Variants in CTNND2 observed in about 807,000 individuals in gnomAD.
CTNND2 encodes the protein catenin delta-2.
In CTNND2, 22 loss-of-function variants were observed where a neutral mutation model predicts 144.4. That is an observed-to-expected ratio of 0.15 (90% CI 0.11 to 0.22). The LOEUF is 0.22. CTNND2 is among the 10% of genes least tolerant of loss of function. The probability of loss-of-function intolerance (pLI) is 1.00; values close to 1 mark genes in which losing one functional copy is unlikely to be tolerated. For synonymous variants in CTNND2, 751 were observed against 695.6 expected (o/e 1.08, Z -1.25); for missense variants, 1,353 against 1,618.8 (o/e 0.84, Z 2.82).
At position 11,732,289 on chromosome 5, in the gene CTNND2, C is replaced by T; in HGVS notation, c.38-17G>A. The T allele has an allele frequency of 6.2e-7, 1 of 1,611,304 alleles. No homozygotes were observed. Among genetic ancestry groups the T allele is most frequent in the Non-Finnish European group, 8.5e-7 (1 of 1,178,184 alleles). On this transcript the variant is annotated splice_polypyrimidine_tract_variant and intron_variant, in intron 1 of 21. Transcript: ENST00000304623. ...GCATAGCTCCTGCAAGGCAAGAGGA[C>T]ATGATCAATACAATCAGATGTTGAC...
intron 1 of CTNND2, among the ~76,000 whole-genome samples, chr5:11,755,029 A>C (rs1469407566): frequency 6.6e-6 from 1 of 151,688 alleles, no homozygotes; most frequent in Non-Finnish European, 1.5e-5. Flanking sequence ...GTTGCTGTAT[A>C]GTGTCACTGA....
intron 14 of CTNND2, among the ~76,000 whole-genome samples, chr5:11,109,662 A>G (rs1048740610): frequency 6.6e-6 from 1 of 152,150 alleles, no homozygotes; most frequent in Non-Finnish European, 1.5e-5. Context: ...TGAGGTATAA[A>G]TTTCTCTGAA....
At chr5:11,019,123 C>G (rs945106816) in intron 17 of CTNND2, among the ~76,000 whole-genome samples, 3 of 152,142 alleles carry the variant, frequency 2.0e-5, no homozygotes, top group Non-Finnish European at 4.4e-5. Context: ...ACAACATAAA[C>G]AAAAATATTT....
intron 2 of CTNND2, among the ~76,000 whole-genome samples, chr5:11,641,687 C>T (rs554857601): frequency 9.6e-5 from 11 of 115,180 alleles, no homozygotes; most frequent in East Asian, 2.9e-4. Flanking sequence ...TATACATATA[C>T]GTGTGTGTAT....
intron 2 of CTNND2, among the ~76,000 whole-genome samples, chr5:11,577,093 A>T (rs1244006948): frequency 6.6e-6 from 1 of 152,226 alleles, no homozygotes; most frequent in Non-Finnish European, 1.5e-5. Flanking sequence ...GCAGCTAATC[A>T]AAAGTTCCAA....
intron 3 of CTNND2, among the ~76,000 whole-genome samples, chr5:11,520,546 A>G (rs1054003366): frequency 4.6e-5 from 7 of 152,364 alleles, no homozygotes; most frequent in Admixed American, 4.6e-4. Flanking sequence ...AGTGTTTCTG[A>G]GAAGCTCACT....
At chr5:11,229,476 G>A (rs1740737988) in intron 10 of CTNND2, among the ~76,000 whole-genome samples, 1 of 152,038 alleles carries the variant, frequency 6.6e-6, no homozygotes, top group African/African-American at 2.4e-5. Flanking sequence ...CGCTATGATT[G>A]CACACCACTG....
intron 2 of CTNND2, among the ~76,000 whole-genome samples, chr5:11,690,618 C>A (rs1784858627): frequency 6.6e-6 from 1 of 151,608 alleles, no homozygotes; most frequent in Admixed American, 6.6e-5. Flanking sequence ...CGCCTGTAGT[C>A]CCAGCTACTC....
chr5:11,290,939 T>C (rs1275085678), intron 9 of CTNND2, among the ~76,000 whole-genome samples: 1 of 152,200 alleles, frequency 6.6e-6, no homozygotes, highest in Non-Finnish European at 1.5e-5. Flanking sequence ...CCGTTGATTT[T>C]AGCAGAGTCC....
intron 2 of CTNND2, among the ~76,000 whole-genome samples, chr5:11,637,058 A>C (rs1328548129): frequency 6.6e-6 from 1 of 152,242 alleles, no homozygotes; most frequent in Non-Finnish European, 1.5e-5. Flanking sequence ...AATGGCAATT[A>C]TAATTTCTTT....
chr5:11,824,238 G>A (rs577067556), intron 1 of CTNND2, among the ~76,000 whole-genome samples: 8 of 152,090 alleles, frequency 5.3e-5, no homozygotes, highest in African/African-American at 7.2e-5. Context: ...CATAAATACC[G>A]CATTGGCCAA....
At chr5:11,659,374 T>C (rs899033664) in intron 2 of CTNND2, among the ~76,000 whole-genome samples, 2 of 152,120 alleles carry the variant, frequency 1.3e-5, no homozygotes, top group African/African-American at 4.8e-5. Context: ...CAAGGGCGTA[T>C]ACCAGCAAGA....
intron 16 of CTNND2, among the ~76,000 whole-genome samples, chr5:11,054,003 A>G (rs1746104690): frequency 6.6e-6 from 1 of 152,254 alleles, no homozygotes; most frequent in African/African-American, 2.4e-5. Context: ...CGAAAATAAA[A>G]AAGGGTTTTG....
chr5:11,490,117 G>A lies in CTNND2; in HGVS notation c.287+74827C>T, dbSNP rs1769253900. Among the ~76,000 whole-genome samples, 5 of 152,102 alleles carry A rather than the reference G, an allele frequency of 3.3e-5. No individual in the cohort carries two copies. In the South Asian group the frequency reaches 1.0e-3, roughly 31 times the overall value. ...GAGGGTCTAACTTTCTGTCTTTATT[G>A]TTTTAACATTTGGCTTTTTGCTACA... On this transcript the variant is annotated intron_variant, in intron 3 of 21. Transcript: ENST00000304623.
intron 3 of CTNND2, among the ~76,000 whole-genome samples, chr5:11,484,870 G>A (rs547372082): frequency 3.3e-5 from 5 of 152,290 alleles, no homozygotes; most frequent in East Asian, 1.9e-4. Flanking sequence ...AATCTTGACC[G>A]TCATGAAGGG....
chr5:11,681,961 CCTT>C (rs1273692117), intron 2 of CTNND2, among the ~76,000 whole-genome samples: 4 of 151,226 alleles, frequency 2.6e-5, no homozygotes, highest in African/African-American at 9.7e-5. Flanking sequence ...AGATGACTGG[CCTT>C]CTGACACATG....
chr5:11,872,251 T>C (rs972996935), intron 1 of CTNND2, among the ~76,000 whole-genome samples: 1 of 152,364 alleles, frequency 6.6e-6, no homozygotes, highest in South Asian at 2.1e-4. Flanking sequence ...CCATGGTGTA[T>C]ACGTGCCACA....
At chr5:11,700,767 G>A (rs1263332522) in intron 2 of CTNND2, among the ~76,000 whole-genome samples, 1 of 152,158 alleles carries the variant, frequency 6.6e-6, no homozygotes, top group Non-Finnish European at 1.5e-5. Flanking sequence ...CCAGGTAGCT[G>A]AGGAAAAGAA....
At chr5:11,453,248 T>A (rs1275817521) in intron 3 of CTNND2, among the ~76,000 whole-genome samples, 10 of 152,160 alleles carry the variant, frequency 6.6e-5, no homozygotes, top group African/African-American at 2.4e-4. Flanking sequence ...ATTAGCACCA[T>A]CCCATCAAAT....
Sources: allele counts gnomAD v4.1 joint callset (sites outside exome capture counted in the v4.1 genomes callset), GRCh38; gene constraint gnomAD v4.1.1; transcripts MANE v1.5; gene names NCBI Gene and HGNC (gene_info 2026-07-23, HGNC 2026-07-21).